Variants in FOXN3 observed in about 807,000 individuals in gnomAD.
The protein encoded by FOXN3 is forkhead box N3.
FOXN3 carries 7 observed loss-of-function variants against 38.4 expected under a neutral mutation model. That is an observed-to-expected ratio of 0.18 (90% CI 0.10 to 0.34). FOXN3 has a LOEUF of 0.34. Ranked by LOEUF, FOXN3 falls within the 10% of genes least tolerant of loss-of-function variation. FOXN3 has a pLI of 1.00. For missense variants in FOXN3, 456 were observed against 613.4 expected, an observed-to-expected ratio of 0.74 and a Z score of 2.71; for synonymous variants, 230 against 242.2, an observed-to-expected ratio of 0.95 and a Z score of 0.47.
chr14:89,339,148 C>A (rs1229223102), intron 3 of FOXN3, among the ~76,000 whole-genome samples: 1 of 152,052 alleles, frequency 6.6e-6, no homozygotes, highest in East Asian at 1.9e-4. Flanking sequence ...AATTTTTGTT[C>A]TTTTTAGGAG....
upstream of FOXN3, among the ~76,000 whole-genome samples, chr14:89,420,940 AGG>A (rs1372341846): frequency 6.6e-6 from 1 of 151,770 alleles, no homozygotes; most frequent in Admixed American, 6.6e-5. Flanking sequence ...ATTTCGGGAG[AGG>A]AAGAGAGAAA....
intron 1 of FOXN3, among the ~76,000 whole-genome samples, chr14:89,439,657 C>CTTT (rs35535565): frequency 2.3e-4 from 32 of 136,260 alleles, no homozygotes; most frequent in African/African-American, 4.7e-4. Flanking sequence ...TCTTTTATTC[C>CTTT]TTTTTTTTTT....
At chr14:89,424,833 C>T (rs944866089) in intron 1 of FOXN3, among the ~76,000 whole-genome samples, 1 of 151,890 alleles carries the variant, frequency 6.6e-6, no homozygotes, top group East Asian at 1.9e-4. Flanking sequence ...TACAGTAAGC[C>T]GTGATCATGC....
chr14:89,498,367 C>G (rs983415855), intron 1 of FOXN3, among the ~76,000 whole-genome samples: 3 of 151,924 alleles, frequency 2.0e-5, no homozygotes, highest in African/African-American at 7.3e-5. Context: ...GGACTACAGG[C>G]ACGTGCCACC....
intron 2 of FOXN3, among the ~76,000 whole-genome samples, chr14:89,410,184 T>C (rs367860841): frequency 6.8e-6 from 1 of 147,382 alleles, no homozygotes; most frequent in Non-Finnish European, 1.5e-5. Context: ...AGCAATACGG[T>C]TGGCCACTTC....
intron 2 of FOXN3, among the ~76,000 whole-genome samples, chr14:89,354,477 T>C (rs750385693): frequency 8.0e-4 from 119 of 149,432 alleles, no homozygotes; most frequent in Admixed American, 1.5e-3. Context: ...CCGCCCACCT[T>C]GGCCTCCCCA....
chr14:89,534,531 C>G (rs1043053882), intron 1 of FOXN3, among the ~76,000 whole-genome samples: 1 of 152,222 alleles, frequency 6.6e-6, no homozygotes. Context: ...GCTCCAACGT[C>G]TGCCGGTGCA....
intron 4 of FOXN3, chr14:89,190,447 G>A: frequency 6.2e-7 from 1 of 1,613,538 alleles, no homozygotes; most frequent in Non-Finnish European, 8.5e-7. Context: ...TCAATGTCAG[G>A]ATCTGGAAAA....
intron 5 of FOXN3, among the ~76,000 whole-genome samples, chr14:89,180,472 TCTC>T (rs1887636962): frequency 6.6e-6 from 1 of 152,090 alleles, no homozygotes. Context: ...CTTGCCTCCA[TCTC>T]CTCATCTGTA....
intron 1 of FOXN3, among the ~76,000 whole-genome samples, chr14:89,563,638 G>A (rs992458293): frequency 6.6e-6 from 1 of 152,172 alleles, no homozygotes; most frequent in African/African-American, 2.4e-5. Flanking sequence ...AGAAAGGGGA[G>A]GGGATGCCAC....
chr14:89,353,222 C>G (rs1418197039), intron 2 of FOXN3, among the ~76,000 whole-genome samples: 1 of 152,150 alleles, frequency 6.6e-6, no homozygotes, highest in African/African-American at 2.4e-5. Context: ...TTAGAGATAG[C>G]TGGGAGGCTC....
intron 1 of FOXN3, among the ~76,000 whole-genome samples, chr14:89,584,275 C>T (rs972319370): frequency 3.9e-5 from 6 of 152,102 alleles, no homozygotes; most frequent in African/African-American, 1.4e-4. Context: ...GTGGTGTGTG[C>T]CTATAGCCCC....
chr14:89,283,314 C>T (rs1399678785), intron 3 of FOXN3, among the ~76,000 whole-genome samples: 2 of 152,154 alleles, frequency 1.3e-5, no homozygotes, highest in Non-Finnish European at 2.9e-5. Context: ...GTCATACTTA[C>T]CTGGCTCCAA....
intron 1 of FOXN3, among the ~76,000 whole-genome samples, chr14:89,505,074 C>T (rs1440421083): frequency 6.6e-6 from 1 of 152,174 alleles, no homozygotes; most frequent in Non-Finnish European, 1.5e-5. Flanking sequence ...TGAATTACTT[C>T]CCCATGTGGT....
At chr14:89,585,794 AAAG>A (rs1410022476) in intron 1 of FOXN3, among the ~76,000 whole-genome samples, 4 of 152,012 alleles carry the variant, frequency 2.6e-5, no homozygotes, top group African/African-American at 9.7e-5. Flanking sequence ...AGAAAGAAAG[AAAG>A]AAAAATAATA....
intron 1 of FOXN3, among the ~76,000 whole-genome samples, chr14:89,604,231 A>ACACACGTGCGCG (rs979650346): frequency 1.4e-5 from 2 of 147,148 alleles, no homozygotes; most frequent in African/African-American, 5.1e-5. Flanking sequence ...ACACACACAC[A>ACACACGTGCGCG]CACACACACG....
intron 1 of FOXN3, among the ~76,000 whole-genome samples, chr14:89,503,223 G>A (rs1893839918): frequency 6.6e-6 from 1 of 151,826 alleles, no homozygotes; most frequent in African/African-American, 2.4e-5. Flanking sequence ...ACGTGCTACT[G>A]CAAACTCTTT....
rs1887124807 is a variant in FOXN3 at position 89,162,331 on chromosome 14, T to G, written c.*83A>C. 4.3e-6 allele frequency: 5 copies of G among 1,168,480 alleles called. No individual in the cohort carries two copies. Among genetic ancestry groups the G allele is most frequent in the African/African-American group, 1.6e-5 (1 of 63,636 alleles). 72.4% of individuals were successfully genotyped at this position (1,168,480 alleles called of 1,614,324 possible). ...AACAAGAAAAAAGAAAAAAAATTGC[T>G]GATATTGCCACAAATCATTAGAAAT... On this transcript the variant is annotated 3_prime_UTR_variant, in exon 6 of 6. Coordinates refer to ENST00000557258, the MANE Select transcript of FOXN3 (RefSeq NM_005197.4). This position sits in a 1 kb window ranked among gnomAD's most constrained non-coding sequence, Gnocchi z 7.2.
At chr14:89,558,314 T>G (rs1596317206) in intron 1 of FOXN3, among the ~76,000 whole-genome samples, 1 of 152,094 alleles carries the variant, frequency 6.6e-6, no homozygotes, top group South Asian at 2.1e-4. Flanking sequence ...GAAAATAGAA[T>G]AGCCTGGACA....
Sources: allele counts gnomAD v4.1 joint callset (sites outside exome capture counted in the v4.1 genomes callset), GRCh38; gene constraint gnomAD v4.1.1; non-coding constraint Gnocchi (gnomAD v3.1); transcripts MANE v1.5; gene names NCBI Gene and HGNC (gene_info 2026-07-23, HGNC 2026-07-21).